The following PSMG2 variants were observed in gnomAD, a reference collection of about 807,000 sequenced individuals.
The protein encoded by PSMG2 is CD40 ligand-activated specific transcript 3.
A neutral mutation model predicts 31.5 loss-of-function variants in PSMG2; 21 were observed. That is an observed-to-expected ratio of 0.67 (90% confidence interval 0.47 to 0.96). The LOEUF (loss-of-function observed/expected upper bound fraction) is 0.96. Among genes scored for constraint, PSMG2 ranks in the 40% least tolerant of loss-of-function variants. PSMG2 has a pLI of 0.00. For missense variants in PSMG2, 318 were observed against 321.2 expected, an observed-to-expected ratio of 0.99 and a Z score of 0.08; for synonymous variants, 120 against 110.4, an observed-to-expected ratio of 1.09 and a Z score of -0.54.
intron 1 of PSMG2, among the ~76,000 whole-genome samples, chr18:12,695,583 CTTCT>C (rs34020909): frequency 0.014 from 2,198 of 152,008 alleles, 14 homozygotes; most frequent in Non-Finnish European, 0.023. Flanking sequence ...CACTCTTTTT[CTTCT>C]TTAAGTAGAG....
chr18:12,684,088 G>T (rs113680977), intron 1 of PSMG2, among the ~76,000 whole-genome samples: 12 of 151,042 alleles, frequency 7.9e-5, no homozygotes, highest in Admixed American at 2.6e-4. Context: ...GCAGTGGCGC[G>T]ATCTCAGCTC....
chr18:12,704,911 G>A (rs2040248962), intron 1 of PSMG2, among the ~76,000 whole-genome samples: 2 of 152,178 alleles, frequency 1.3e-5, no homozygotes, highest in Non-Finnish European at 2.9e-5. Flanking sequence ...GGGAACACCC[G>A]AAGGACAGAA....
upstream of PSMG2, chr18:12,701,135 C>T (rs1311596890): frequency 6.3e-7 from 1 of 1,585,062 alleles, no homozygotes; most frequent in Non-Finnish European, 8.6e-7. Context: ...ACTCATATTA[C>T]AATTTATAAC....
At chr18:12,717,003 G>A (rs2040382987) in intron 3 of PSMG2, among the ~76,000 whole-genome samples, 1 of 143,520 alleles carries the variant, frequency 7.0e-6, no homozygotes, top group South Asian at 2.2e-4. Flanking sequence ...AGGCTGGAGT[G>A]CAGTGGCACA....
rs1207589796 is a variant in PSMG2, at chr18:12,671,269, T to C, written c.-37+12496T>C. 5 of 152,246 alleles carry C rather than the reference T, an allele frequency of 3.3e-5. No homozygotes were observed. The East Asian group carries it at 9.6e-4, about 29-fold the overall frequency. The allele number at this position is 152,246 out of a possible 1,614,324, so 9.4% of individuals were successfully genotyped here. A position where few individuals can be genotyped will look rare whatever the true frequency, so the allele number is the denominator to read the frequency against. ...CAAAAAGTAAATTTTAAGACACTTTTAGATTTTAATTTTCGAAAAACGAAA... is the reference window on the plus strand; with the variant it reads ...CAAAAAGTAAATTTTAAGACACTTTCAGATTTTAATTTTCGAAAAACGAAA... On this transcript the variant is annotated intron_variant, in intron 1 of 6. Coordinates refer to the PSMG2 transcript ENST00000585331.
intron 5 of PSMG2, among the ~76,000 whole-genome samples, chr18:12,721,966 G>A (rs1338363564): frequency 6.6e-6 from 1 of 151,974 alleles, no homozygotes; most frequent in Non-Finnish European, 1.5e-5. Flanking sequence ...TTTCCCTTGT[G>A]TTTTTGTTCC....
At chr18:12,721,528 A>G (rs958972985) in intron 5 of PSMG2, among the ~76,000 whole-genome samples, 1 of 152,202 alleles carries the variant, frequency 6.6e-6, no homozygotes, top group Non-Finnish European at 1.5e-5. Context: ...ATCTGTACCC[A>G]TAAATAATAA....
chr18:12,702,512 G>A (rs1294843737), upstream of PSMG2: 5 of 1,609,854 alleles, frequency 3.1e-6, no homozygotes, highest in Non-Finnish European at 4.2e-6. Flanking sequence ...TGGATGAGCT[G>A]CTTCAGCTCG....
chr18:12,664,079 G>A (rs1203054221), intron 1 of PSMG2, among the ~76,000 whole-genome samples: 1 of 152,168 alleles, frequency 6.6e-6, no homozygotes, highest in African/African-American at 2.4e-5. Flanking sequence ...CAAGAGAATC[G>A]CTTGAACCCG....
chr18:12,711,029 G>A (rs908773428), intron 2 of PSMG2, among the ~76,000 whole-genome samples: 1 of 150,762 alleles, frequency 6.6e-6, no homozygotes, highest in African/African-American at 2.5e-5. Flanking sequence ...GAACCCAGGA[G>A]GTAGAGGTTG....
At chr18:12,682,252 CGTCCTCAGCTCACTGCAGCCTTGAT>C (rs1283496036) in intron 1 of PSMG2, among the ~76,000 whole-genome samples, 1 of 151,838 alleles carries the variant, frequency 6.6e-6, no homozygotes, top group Admixed American at 6.6e-5. Context: ...GCTGCCTTGA[CGTCCTCAGCTCACTGCAGCCTTGAT>C]GTCCCCAGCT....
intron 1 of PSMG2, chr18:12,697,443 T>C (rs1172452645): frequency 7.1e-6 from 10 of 1,406,678 alleles, no homozygotes; most frequent in African/African-American, 1.4e-5. Context: ...TATACCACAC[T>C]ACATATTCAG....
At chr18:12,666,528 C>T (rs1470529793) in intron 1 of PSMG2, among the ~76,000 whole-genome samples, 2 of 146,786 alleles carry the variant, frequency 1.4e-5, no homozygotes, top group African/African-American at 5.0e-5. Context: ...AGCCTCCTAA[C>T]GTCCCGCCTC....
chr18:12,689,481 A>G (rs1374684653), intron 1 of PSMG2, among the ~76,000 whole-genome samples: 1 of 152,240 alleles, frequency 6.6e-6, no homozygotes, highest in African/African-American at 2.4e-5. Context: ...AAAAGAGCCA[A>G]TGCCTGGCCA....
chr18:12,723,683 C>T (rs1046526734), intron 5 of PSMG2, among the ~76,000 whole-genome samples: 28 of 152,270 alleles, frequency 1.8e-4, no homozygotes, highest in Admixed American at 1.7e-3. Flanking sequence ...TGAGCCAGCG[C>T]GCCCAGCCTG....
upstream of PSMG2, chr18:12,702,383 A>T: frequency 1.2e-6 from 1 of 860,800 alleles, no homozygotes; most frequent in Non-Finnish European, 1.9e-6. Flanking sequence ...AATCCTCGCT[A>T]CAGTCCCGGC....
In PSMG2 at chr18:12,712,748, C is replaced by A; in HGVS notation, c.276C>A (p.Ser92=). The A allele has an allele frequency of 6.2e-7, 1 of 1,604,844 alleles. No individual in the cohort carries two copies. Among genetic ancestry groups the A allele is most frequent in the South Asian group, 1.1e-5 (1 of 90,524 alleles). Residue 92 remains serine (S), a synonymous_variant, in exon 3 of 7, where the codon TCC becomes TCA. Transcript: ENST00000317615. ...SRKLVALQLR[S]IFIKYKSKPF... The stretch of plus-strand genomic sequence containing the variant: ...AGCTGGTGGCTCTACAGTTAAGATC[C>A]ATTTTTATTAAGGTTAGTATGTTGT...
intron 2 of PSMG2, among the ~76,000 whole-genome samples, chr18:12,707,491 A>T (rs1468585247): frequency 1.3e-5 from 2 of 152,236 alleles, no homozygotes; most frequent in Non-Finnish European, 2.9e-5. Context: ...CCATAATAAT[A>T]TGGTATAGAT....
chr18:12,714,522 C>A (rs1471364551), intron 3 of PSMG2, among the ~76,000 whole-genome samples: 1 of 145,822 alleles, frequency 6.9e-6, no homozygotes, highest in Non-Finnish European at 1.5e-5. Flanking sequence ...CAGGGTCTCT[C>A]TTGCTCTGTC....
Sources: gnomAD v4.1 joint callset for allele counts (sites outside exome capture counted in the v4.1 genomes callset) on GRCh38, gnomAD v4.1.1 for gene constraint, MANE v1.5 for transcripts, NCBI Gene and HGNC (gene_info 2026-07-23, HGNC 2026-07-21) for gene names.